DNAJC3: variants seen among roughly 807,000 people sequenced by gnomAD.
DNAJC3 encodes DnaJ heat shock protein family (Hsp40) member C3.
Under a neutral mutation model 68.6 loss-of-function variants are expected in DNAJC3, and 38 were observed. That is an observed-to-expected ratio of 0.55 (90% CI 0.43 to 0.73). The LOEUF is 0.73. Ranked by LOEUF, DNAJC3 falls within the 30% of genes least tolerant of loss-of-function variation. The pLI, the probability that DNAJC3 is intolerant of heterozygous loss-of-function variation, is 0.00. For synonymous variants in DNAJC3, 203 were observed against 204.0 expected, an observed-to-expected ratio of 1.00 and a Z score of 0.04; for missense variants, 526 against 591.9, an observed-to-expected ratio of 0.89 and a Z score of 1.16.
intron 9 of DNAJC3, among the ~76,000 whole-genome samples, chr13:95,781,488 T>G: frequency 6.6e-6 from 1 of 152,166 alleles, no homozygotes; most frequent in Non-Finnish European, 1.5e-5. Flanking sequence ...TCCAGAAATT[T>G]ATCAAAGTTG....
At chr13:95,785,533 C>T (rs1883575215) in intron 9 of DNAJC3, among the ~76,000 whole-genome samples, 1 of 141,124 alleles carries the variant, frequency 7.1e-6, no homozygotes, top group Non-Finnish European at 1.5e-5. Context: ...ATGTCGGCCA[C>T]TGCAAACCTC....
At chr13:95,732,411 G>C (rs1485493132) in intron 4 of DNAJC3, among the ~76,000 whole-genome samples, 1 of 152,088 alleles carries the variant, frequency 6.6e-6, no homozygotes, top group African/African-American at 2.4e-5. Flanking sequence ...GTAGGCTGTA[G>C]GTTTCCAGGA....
At chr13:95,777,755 T>C (rs995461715) in intron 9 of DNAJC3, among the ~76,000 whole-genome samples, 8 of 152,144 alleles carry the variant, frequency 5.3e-5, no homozygotes, top group Non-Finnish European at 1.2e-4. Context: ...CTTTCAGTAA[T>C]GAATAATAAA....
At chr13:95,764,418 T>G (rs1218723380) in intron 9 of DNAJC3, among the ~76,000 whole-genome samples, 1 of 147,714 alleles carries the variant, frequency 6.8e-6, no homozygotes, top group African/African-American at 2.5e-5. Flanking sequence ...AAAACATAAA[T>G]ACAGAAAGCA....
intron 9 of DNAJC3, among the ~76,000 whole-genome samples, chr13:95,784,456 T>C (rs750864236): frequency 4.6e-5 from 7 of 151,936 alleles, no homozygotes; most frequent in Admixed American, 6.6e-5. Context: ...GCTTAATTTT[T>C]CCAGTAATGA....
intron 2 of DNAJC3, among the ~76,000 whole-genome samples, chr13:95,716,183 A>G (rs1017829620): frequency 3.3e-5 from 5 of 152,250 alleles, no homozygotes; most frequent in Non-Finnish European, 7.4e-5. Context: ...AAATCCCCAG[A>G]AAATAAAGTT....
At chr13:95,709,440 A>C in intron 2 of DNAJC3, 103 bp downstream of exon 2, 1 of 798,606 alleles carries the variant, frequency 1.3e-6, no homozygotes, top group East Asian at 3.2e-5. Flanking sequence ...TTTCATGTTT[A>C]AATAAAACAT....
chr13:95,774,200 A>G (rs1566511628), intron 9 of DNAJC3, among the ~76,000 whole-genome samples: 1 of 152,126 alleles, frequency 6.6e-6, no homozygotes, highest in Non-Finnish European at 1.5e-5. Context: ...TTCTTTTTAA[A>G]TATAAGCATT....
At chr13:95,771,795 A>T (rs1441876694) in intron 9 of DNAJC3, among the ~76,000 whole-genome samples, 2 of 116,302 alleles carry the variant, frequency 1.7e-5, no homozygotes, top group African/African-American at 3.2e-5. Context: ...TTCCCATCCC[A>T]CCCCCCCACA....
At chr13:95,736,259 G>A (rs1324517270) in intron 4 of DNAJC3, among the ~76,000 whole-genome samples, 1 of 152,132 alleles carries the variant, frequency 6.6e-6, no homozygotes. Context: ...GTAGTGTGAT[G>A]CCTCCAGCTT....
intron 4 of DNAJC3, among the ~76,000 whole-genome samples, chr13:95,740,139 G>C (rs1354104026): frequency 1.3e-5 from 2 of 152,190 alleles, no homozygotes; most frequent in Non-Finnish European, 2.9e-5. Flanking sequence ...TCGGGGTCAG[G>C]GACCCACTTG....
intron 9 of DNAJC3, among the ~76,000 whole-genome samples, chr13:95,764,643 T>G (rs1882921931): frequency 1.4e-5 from 1 of 70,172 alleles, no homozygotes; most frequent in Non-Finnish European, 2.7e-5. Context: ...AAAAATAGAA[T>G]CCATATATAT....
chr13:95,728,460 CT>C (rs1881600194), intron 4 of DNAJC3, among the ~76,000 whole-genome samples: 1 of 152,146 alleles, frequency 6.6e-6, no homozygotes, highest in Non-Finnish European at 1.5e-5. Flanking sequence ...TATTTGCCAT[CT>C]GTAAATCCTT....
At chr13:95,768,915 C>G (rs1284435651) in intron 9 of DNAJC3, among the ~76,000 whole-genome samples, 1 of 152,088 alleles carries the variant, frequency 6.6e-6, no homozygotes, top group African/African-American at 2.4e-5. Context: ...GCAGAACTTG[C>G]AGTGAGCCGA....
chr13:95,716,833 G>A (rs1374947144), intron 2 of DNAJC3, among the ~76,000 whole-genome samples: 1 of 152,200 alleles, frequency 6.6e-6, no homozygotes, highest in Admixed American at 6.5e-5. Flanking sequence ...TATGGGCACA[G>A]TATGGGGTGC....
chr13:95,715,222 C>T lies in DNAJC3; in HGVS notation c.193+5885C>T, dbSNP rs907268310. On this transcript the variant is annotated intron_variant, in intron 2 of 11. Coordinates refer to ENST00000602402, the MANE Select transcript of DNAJC3 (RefSeq NM_006260.5). ...ACCAACCTGGGCAACATAGCAAGAG[C>T]TCGTCTCTACAAAAGTAAAATAAAA... is the stretch of plus-strand genomic sequence containing the variant. 2.0e-5 allele frequency among the ~76,000 whole-genome samples: 3 copies of T among 152,100 alleles called. No individual in the cohort carries two copies. The East Asian group carries it at 5.8e-4, about 29-fold the overall frequency.
chr13:95,691,739 C>T (rs984690367), intron 1 of DNAJC3, among the ~76,000 whole-genome samples: 3 of 152,194 alleles, frequency 2.0e-5, no homozygotes, highest in Non-Finnish European at 2.9e-5. Flanking sequence ...GCCGAGATCA[C>T]GCCACTGCAC....
At chr13:95,712,057 ATTTGG>A (rs1880988087) in intron 2 of DNAJC3, among the ~76,000 whole-genome samples, 1 of 152,232 alleles carries the variant, frequency 6.6e-6, no homozygotes, top group Non-Finnish European at 1.5e-5. Context: ...AAGGATGTAA[ATTTGG>A]TTTGGCATTC....
rs1390919935 is a variant in DNAJC3 at position 95,782,375 on chromosome 13, C to T, written c.1076-3564C>T. On this transcript the variant is annotated intron_variant, in intron 9 of 11. Transcript: ENST00000602402. Reference sequence around the variant, plus strand: ...CTGGTTGTAGATCCTTGAGGAATCACCACACTGTCTTCTACAATGGTTGAA... The same window carrying T: ...CTGGTTGTAGATCCTTGAGGAATCATCACACTGTCTTCTACAATGGTTGAA... Among the ~76,000 whole-genome samples the T allele has an allele frequency of 2.0e-5, 3 of 152,154 alleles. No homozygotes were observed. The East Asian group carries it at 5.8e-4, about 29-fold the overall frequency.
Sources: gnomAD v4.1 joint callset for allele counts (sites outside exome capture counted in the v4.1 genomes callset) on GRCh38, gnomAD v4.1.1 for gene constraint, MANE v1.5 for transcripts, NCBI Gene and HGNC (gene_info 2026-07-23, HGNC 2026-07-21) for gene names.